The following SYT16 variants were observed in gnomAD, a reference collection of about 807,000 sequenced individuals.
SYT16 encodes synaptotagmin-16.
In SYT16, 42 loss-of-function variants were observed where a neutral mutation model predicts 61.4. The ratio of observed to expected loss-of-function variants is 0.68; its 90% CI spans 0.53 to 0.89. SYT16 has a LOEUF of 0.89. Among genes scored for constraint, SYT16 ranks in the 40% least tolerant of loss-of-function variants. The probability of loss-of-function intolerance (pLI) is 0.00; values close to 1 mark genes in which losing one functional copy is unlikely to be tolerated. For missense variants in SYT16, 804 were observed against 807.3 expected, an observed-to-expected ratio of 1.00 and a Z score of 0.05; for synonymous variants, 314 against 302.3, an observed-to-expected ratio of 1.04 and a Z score of -0.40.
intron 1 of SYT16, among the ~76,000 whole-genome samples, chr14:61,862,068 G>A (rs560385150): frequency 2.6e-5 from 4 of 152,220 alleles, no homozygotes; most frequent in East Asian, 3.9e-4. Flanking sequence ...AAAATGAAGC[G>A]CAATAAAGTG....
chr14:61,919,710 T>G (rs969699412), intron 1 of SYT16, among the ~76,000 whole-genome samples: 3 of 43,760 alleles, frequency 6.9e-5, no homozygotes, highest in Non-Finnish European at 1.5e-4. Context: ...GTCATCTGAT[T>G]AGCAACCTTA....
chr14:62,103,293 G>T lies in SYT16; in HGVS notation c.*2586G>T, dbSNP rs1294220697. On this transcript the variant is annotated 3_prime_UTR_variant, in exon 8 of 8. Coordinates refer to ENST00000683842, the MANE Select transcript of SYT16 (RefSeq NM_001367656.1). ...TTATGAAAGATAATTAGTTGGTTCT[G>T]CAGTAAAAAACTGCTTTTGCCTATT... The T allele has an allele frequency of 6.6e-6, 1 of 152,174 alleles. No individual in the cohort carries two copies. Among genetic ancestry groups the T allele is most frequent in the African/African-American group, 2.4e-5 (1 of 41,446 alleles). The allele number at this position is 152,174 out of a possible 1,614,324, so 9.4% of individuals were successfully genotyped here.
chr14:61,876,574 C>T (rs977043522), intron 1 of SYT16, among the ~76,000 whole-genome samples: 4 of 152,206 alleles, frequency 2.6e-5, no homozygotes, highest in Non-Finnish European at 5.9e-5. Context: ...CGAGGAACAG[C>T]TGTGACTCTT....
Position 62,101,610 on chromosome 14 carries a change from A to T in SYT16, c.*903A>T, listed in dbSNP as rs1388407167. On this transcript the variant is annotated 3_prime_UTR_variant, in exon 8 of 8. Transcript: ENST00000683842. ...TATATGAATATTTTGAATGTACTGC[A>T]TGTAAACCATGCTCTTTTTAAACTG... is the stretch of plus-strand genomic sequence containing the variant. 2.0e-5 allele frequency: 3 copies of T among 152,176 alleles called. No homozygotes were observed. Among genetic ancestry groups the T allele is most frequent in the South Asian group, 2.1e-4 (1 of 4,832 alleles). The allele number at this position is 152,176 out of a possible 1,614,324, so 9.4% of individuals were successfully genotyped here.
At chr14:62,030,394 C>T (rs991196030) in intron 3 of SYT16, among the ~76,000 whole-genome samples, 42 of 152,102 alleles carry the variant, frequency 2.8e-4, no homozygotes, top group African/African-American at 8.9e-4. Context: ...TGATGTTATG[C>T]GATGGATCCT....
At chr14:62,047,870 G>T (rs775090620) in intron 3 of SYT16, among the ~76,000 whole-genome samples, 2 of 152,116 alleles carry the variant, frequency 1.3e-5, no homozygotes, top group Non-Finnish European at 2.9e-5. Flanking sequence ...TACTGGATTC[G>T]GTTTGCCAGT....
intron 5 of SYT16, 46 bp from the exon 6 acceptor site, chr14:62,080,788 G>A: frequency 6.5e-7 from 1 of 1,540,350 alleles, no homozygotes; most frequent in Non-Finnish European, 8.8e-7. Flanking sequence ...AAATGTAATT[G>A]GGTATCATCA....
intron 1 of SYT16, among the ~76,000 whole-genome samples, chr14:61,910,240 T>C (rs1402869500): frequency 3.5e-4 from 1 of 2,856 alleles, no homozygotes; most frequent in Non-Finnish European, 6.3e-4. Context: ...TTTTGTTTTG[T>C]TTTGTTTTGT....
chr14:61,950,640 G>C (rs1438858722), intron 1 of SYT16, among the ~76,000 whole-genome samples: 1 of 152,180 alleles, frequency 6.6e-6, no homozygotes, highest in Admixed American at 6.5e-5. Flanking sequence ...TTCGGCCCAC[G>C]TGGCAGCCTA....
intron 2 of SYT16, among the ~76,000 whole-genome samples, chr14:61,988,999 A>C (rs1055008068): frequency 1.3e-5 from 2 of 152,128 alleles, no homozygotes; most frequent in African/African-American, 4.8e-5. Flanking sequence ...ACCTGGGGCA[A>C]GTCACCTACC....
intron 1 of SYT16, among the ~76,000 whole-genome samples, chr14:61,922,558 G>T (rs1208322226): frequency 6.6e-6 from 1 of 152,158 alleles, no homozygotes; most frequent in African/African-American, 2.4e-5. Flanking sequence ...GGAGGGAAAA[G>T]ATCAGGAAAA....
In SYT16 at chr14:62,104,665, C is replaced by T. The variant is rs950020222; in HGVS notation, c.*3958C>T. The T allele has an allele frequency of 1.3e-5, 2 of 152,130 alleles. No individual in the cohort carries two copies. The highest frequency in any genetic ancestry group is 2.1e-4 in the South Asian group (1 of 4,828). 9.4% of individuals were successfully genotyped at this position (152,130 alleles called of 1,614,324 possible). A position where few individuals can be genotyped will look rare whatever the true frequency, so the allele number is the denominator to read the frequency against. On this transcript the variant is annotated 3_prime_UTR_variant, in exon 8 of 8. Coordinates refer to ENST00000683842, the MANE Select transcript of SYT16 (RefSeq NM_001367656.1). ...GAAAAATATTTAAAGATGGGAGAAA[C>T]GAAACTGTGCTAAGACAATGAGATT...
rs377671241 is a variant in SYT16, at chr14:62,057,040, C to T, written c.524-12563C>T. 4.7e-3 allele frequency among the ~76,000 whole-genome samples: 718 copies of T among 152,278 alleles called. 9 individuals carry two copies. The highest frequency in any genetic ancestry group is 0.017 in the African/African-American group (692 of 41,560). On this transcript the variant is annotated intron_variant, in intron 3 of 7. Coordinates refer to ENST00000683842, the MANE Select transcript of SYT16 (RefSeq NM_001367656.1). ...GGGGACAGGAGGAGGACACTGCGGT[C>T]GCAAAGCCCAGGCCGTGCAAAGGCC...
chr14:61,947,183 G>T (rs978086851), intron 1 of SYT16, among the ~76,000 whole-genome samples: 3 of 151,850 alleles, frequency 2.0e-5, no homozygotes, highest in African/African-American at 7.3e-5. Flanking sequence ...AGAATGCACG[G>T]AGAATCCTGG....
intron 1 of SYT16, among the ~76,000 whole-genome samples, chr14:61,861,848 A>G (rs969189232): frequency 2.0e-5 from 3 of 152,236 alleles, no homozygotes; most frequent in African/African-American, 4.8e-5. Context: ...CGTTTACACC[A>G]TGCTATAGTT....
In SYT16 at chr14:61,819,231, A is replaced by C. The variant is rs567524562; in HGVS notation, c.-325+6421A>C. 4.6e-5 allele frequency among the ~76,000 whole-genome samples: 7 copies of C among 152,326 alleles called. No individual in the cohort carries two copies. The East Asian group carries it at 1.3e-3, about 29-fold the overall frequency. On this transcript the variant is annotated intron_variant, in intron 1 of 7. Transcript: ENST00000683842. ...TGGATGACATTTGTCCTTTTAGATC[A>C]CTAGGGTATTATTTAGTCATTAACT...
chr14:61,874,168 A>G (rs1365933131), intron 1 of SYT16, among the ~76,000 whole-genome samples: 3 of 152,204 alleles, frequency 2.0e-5, no homozygotes, highest in Admixed American at 1.3e-4. Flanking sequence ...TTGCAAAACA[A>G]TTTTGTTCCT....
rs904575859 is a variant in SYT16, at chr14:62,065,494, A to G, written c.524-4109A>G. ...AGAATTTTTGCTCTGTGGATGATCA[A>G]TGGCTCACTGAAAAAAAATCAAGAA... On this transcript the variant is annotated intron_variant, in intron 3 of 7. Transcript: ENST00000683842. Among the ~76,000 whole-genome samples, 8 of 152,222 alleles carry G rather than the reference A, an allele frequency of 5.3e-5. No individual in the cohort carries two copies. In the South Asian group the frequency reaches 6.2e-4, roughly 12 times the overall value.
At chr14:62,076,563 G>A (rs749733023) in intron 5 of SYT16, among the ~76,000 whole-genome samples, 5 of 149,854 alleles carry the variant, frequency 3.3e-5, no homozygotes, top group Non-Finnish European at 6.0e-5. Flanking sequence ...CTGTGTAGAT[G>A]TCTCTGCTGA....
Sources: allele counts gnomAD v4.1 joint callset (sites outside exome capture counted in the v4.1 genomes callset), GRCh38; gene constraint gnomAD v4.1.1; transcripts MANE v1.5; gene names NCBI Gene and HGNC (gene_info 2026-07-23, HGNC 2026-07-21).